GRM4: variants seen among roughly 807,000 people sequenced by gnomAD.
GRM4 encodes glutamate metabotropic receptor 4.
A neutral mutation model predicts 81.7 loss-of-function variants in GRM4; 28 were observed. The ratio of observed to expected loss-of-function variants is 0.34; its 90% CI spans 0.25 to 0.47. GRM4 has a LOEUF of 0.47. Ranked by LOEUF, GRM4 falls within the 20% of genes least tolerant of loss-of-function variation. The pLI, the probability that GRM4 is intolerant of heterozygous loss-of-function variation, is 1.00. For missense variants in GRM4, 948 were observed against 1,290.0 expected (o/e 0.73, Z 4.06); for synonymous variants, 488 against 528.8 (o/e 0.92, Z 1.06).
At chr6:34,096,539 C>G (rs57328363) in intron 2 of GRM4, among the ~76,000 whole-genome samples, 1 of 152,262 alleles carries the variant, frequency 6.6e-6, no homozygotes, top group Non-Finnish European at 1.5e-5. Context: ...GGCAAGGCCA[C>G]GTGGAGAGAT....
Position 34,035,641 on chromosome 6 carries a change from C to T in GRM4, c.2442+27G>A, listed in dbSNP as rs1480107996. On this transcript the variant is annotated intron_variant, in intron 9 of 10. Coordinates refer to ENST00000538487, the MANE Select transcript of GRM4 (RefSeq NM_000841.4). The surrounding 1 kb of genome is among the most constrained non-coding windows in gnomAD (Gnocchi z 6.6). ...TTGCTCACTGCCCTCACCTACCCAC[C>T]GTCCACCCCCGGCCCCCACCACTCA... 1.1e-5 allele frequency: 15 copies of T among 1,377,958 alleles called. No individual in the cohort carries two copies. Among genetic ancestry groups the T allele is most frequent in the South Asian group, 1.3e-5 (1 of 75,632 alleles). 85.4% of individuals were successfully genotyped at this position (1,377,958 alleles called of 1,614,324 possible).
Position 34,059,471 on chromosome 6 carries a change from A to C in GRM4, c.873-343T>G. The C allele has an allele frequency of 1.5e-5, 5 of 323,766 alleles. No homozygotes were observed. The highest frequency in any genetic ancestry group is 6.9e-5 in the East Asian group (1 of 14,488). The allele number at this position is 323,766 out of a possible 1,614,324, so 20.1% of individuals were successfully genotyped here. A position where few individuals can be genotyped will look rare whatever the true frequency, so the allele number is the denominator to read the frequency against. ...CACGTCTGACTCAGGCCCCACAACC[A>C]CCTCTGCCCAGCCCCGGTCCCCTGA... On this transcript the variant is annotated intron_variant, in intron 4 of 10. Transcript: ENST00000538487. This position sits in a 1 kb window ranked among gnomAD's most constrained non-coding sequence, Gnocchi z 5.7.
Position 34,036,500 on chromosome 6 carries a change from G to T in GRM4, c.1610C>A (p.Pro537His). The T allele has an allele frequency of 6.2e-7, 1 of 1,612,908 alleles. No individual in the cohort carries two copies. Among genetic ancestry groups the T allele is most frequent in the Non-Finnish European group, 8.5e-7 (1 of 1,179,548 alleles). ...GCAAGGCTCGCAGTGCCAGCAGCAA[G>T]GCATGCCCTTCACTGTCTTCTTCCG... is the stretch of plus-strand genomic sequence containing the variant. ...GERKKTVKGMPCCWHCEPCTG... is the reference protein window; with the variant it reads ...GERKKTVKGMHCCWHCEPCTG... The change falls in exon 9 of 11, where the codon CCT becomes CAT. Residue 537 changes from proline to histidine, a missense_variant. Physicochemically the swap from Pro to His is moderately conservative, Grantham distance 77. Coordinates refer to ENST00000538487, the MANE Select transcript of GRM4 (RefSeq NM_000841.4). This position sits in a 1 kb window ranked among gnomAD's most constrained non-coding sequence, Gnocchi z 9.0.
At chr6:34,031,982 AACAC>A (rs143044272) in intron 9 of GRM4, among the ~76,000 whole-genome samples, 5 of 147,176 alleles carry the variant, frequency 3.4e-5, no homozygotes, top group East Asian at 4.0e-4. Flanking sequence ...CACACACACA[AACAC>A]ACACACACAC....
rs1416226611 is a variant in GRM4 at position 34,061,975 on chromosome 6, C to G, written c.790G>C (p.Glu264Gln). ...AGGCGGCGGATGATCTTGTCGAACT[C>G]GCCTGCCTTGGGCTCCCGTGGTATC... The part of the protein sequence containing the change: ...VKIPREPKAG[E>Q]FDKIIRRLLE... The change falls in exon 4 of 11, where the codon GAG (glutamate) becomes CAG (glutamine). Residue 264 changes from glutamate to glutamine, a missense_variant. Physicochemically the swap from Glu to Gln is conservative, Grantham distance 29 (BLOSUM62 2). Transcript: ENST00000538487. 4 of 1,613,980 alleles carry G rather than the reference C, an allele frequency of 2.5e-6. No individual in the cohort carries two copies. In the South Asian group the frequency reaches 4.4e-5, roughly 18 times the overall value.
intron 1 of GRM4, among the ~76,000 whole-genome samples, chr6:34,140,026 T>C (rs1335871950): frequency 1.3e-5 from 2 of 151,198 alleles, no homozygotes; most frequent in African/African-American, 4.9e-5. Flanking sequence ...CCTGAACATA[T>C]AGATGGCTGG....
In GRM4 at chr6:34,061,893, C is replaced by CTG; in HGVS notation, c.870_871dup (p.Arg291ThrfsTer85). ...CCACCCTGCTGCCACCTGCCCTCACCTGATGTCATCCTCGTTGGCAAAGAT... is the reference window on the plus strand; with the variant it reads ...CCACCCTGCTGCCACCTGCCCTCACCTGTGATGTCATCCTCGTTGGCAAAGAT... On this transcript the variant is annotated frameshift_variant and splice_region_variant, in exon 4 of 11. Coordinates refer to ENST00000538487, the MANE Select transcript of GRM4 (RefSeq NM_000841.4). LOFTEE classifies it high-confidence loss of function. 1 of 1,611,164 alleles carries CTG rather than the reference C, an allele frequency of 6.2e-7. No individual in the cohort carries two copies. The highest frequency in any genetic ancestry group is 8.5e-7 in the Non-Finnish European group (1 of 1,178,022).
At chr6:34,154,949 A>T in intron 1 of GRM4, 1 of 709,880 alleles carries the variant, frequency 1.4e-6, no homozygotes, top group Non-Finnish European at 2.1e-6. Flanking sequence ...GAACGCCCTC[A>T]TTGCACCCAG....
chr6:34,056,719 CCTT>C (rs1205683033), intron 5 of GRM4, 35 bp from the exon 6 acceptor site: 12 of 1,599,722 alleles, frequency 7.5e-6, no homozygotes, highest in Non-Finnish European at 9.4e-6. Context: ...GCCTCACTGG[CCTT>C]CTTCCCCACC....
chr6:34,149,003 CAG>C (rs1770995322), upstream of GRM4, among the ~76,000 whole-genome samples: 1 of 152,116 alleles, frequency 6.6e-6, no homozygotes, highest in African/African-American at 2.4e-5. Context: ...AATAATAATA[CAG>C]AGTCCTGAGC....
At chr6:34,039,150 AG>A (rs1764871658) in intron 8 of GRM4, among the ~76,000 whole-genome samples, 1 of 152,162 alleles carries the variant, frequency 6.6e-6, no homozygotes, top group South Asian at 2.1e-4. Flanking sequence ...ATTTAGGAAC[AG>A]GCTGTTCCTG....
rs566640782 is a variant in GRM4, at chr6:34,040,630, G to A, written c.1287C>T (p.Pro429=). ...TGCGCGGGCAGAGCCCCACGCGGCC[G>A]GGACACAGGTCACGGTGCATGGCGT... The part of the protein sequence containing the change: ...ALHAMHRDLC[P]GRVGLCPRMD... The change falls in exon 7 of 11, where the codon CCC becomes CCT. Residue 429 remains proline (P), a synonymous_variant. Coordinates refer to ENST00000538487, the MANE Select transcript of GRM4 (RefSeq NM_000841.4). 1.2e-5 allele frequency: 19 copies of A among 1,614,134 alleles called. No individual in the cohort carries two copies. The African/African-American group carries it at 1.3e-4, about 11-fold the overall frequency.
In GRM4 at chr6:34,070,583, T is replaced by C. The variant is rs1163442094; in HGVS notation, c.737-8555A>G. On this transcript the variant is annotated intron_variant, in intron 3 of 10. Transcript: ENST00000538487. The surrounding 1 kb of genome is among the most constrained non-coding windows in gnomAD (Gnocchi z 4.6). ...ACACCTCTGGGGAGCGGGTAAGGCCTAGTGGGGTGGGGCTGCTGAGGCAGG... is the reference window on the plus strand; with the variant it reads ...ACACCTCTGGGGAGCGGGTAAGGCCCAGTGGGGTGGGGCTGCTGAGGCAGG... Among the ~76,000 whole-genome samples, 1 of 151,806 alleles carries C rather than the reference T, an allele frequency of 6.6e-6. No homozygotes were observed. Among genetic ancestry groups the C allele is most frequent in the African/African-American group, 2.4e-5 (1 of 41,276 alleles).
chr6:34,092,172 A>G lies in GRM4; in HGVS notation c.520-73T>C. On this transcript the variant is annotated intron_variant, in intron 2 of 10. Coordinates refer to ENST00000538487, the MANE Select transcript of GRM4 (RefSeq NM_000841.4). The surrounding 1 kb of genome is among the most constrained non-coding windows in gnomAD (Gnocchi z 6.8). Reference sequence around the variant, plus strand: ...TGCCTAGCCAGCCCCATTCCCCTACACACCAACCTCCCTTTGGTCCCCACA... The same window carrying G: ...TGCCTAGCCAGCCCCATTCCCCTACGCACCAACCTCCCTTTGGTCCCCACA... The G allele has an allele frequency of 1.0e-6, 1 of 990,732 alleles. No homozygotes were observed. The highest frequency in any genetic ancestry group is 1.5e-6 in the Non-Finnish European group (1 of 646,140). 61.4% of individuals were successfully genotyped at this position (990,732 alleles called of 1,614,324 possible).
At position 34,114,275 on chromosome 6, in the gene GRM4, T is replaced by C. The variant is rs1769498153; in HGVS notation, c.519+18703A>G. On this transcript the variant is annotated intron_variant, in intron 2 of 10. Coordinates refer to ENST00000538487, the MANE Select transcript of GRM4 (RefSeq NM_000841.4). This position sits in a 1 kb window ranked among gnomAD's most constrained non-coding sequence, Gnocchi z 4.3. ...AGGACGGTATGCATTTGGCTCACTC[T>C]GCTGCATTCTCAGCCCAACCCAACA... Among the ~76,000 whole-genome samples, 1 of 152,226 alleles carries C rather than the reference T, an allele frequency of 6.6e-6. No homozygotes were observed. The highest frequency in any genetic ancestry group is 2.4e-5 in the African/African-American group (1 of 41,452).
chr6:34,031,402 G>T (rs1171964361), intron 9 of GRM4, among the ~76,000 whole-genome samples: 1 of 152,220 alleles, frequency 6.6e-6, no homozygotes, highest in Non-Finnish European at 1.5e-5. Flanking sequence ...GAGGACACCT[G>T]GGGTGAGGAT....
chr6:34,136,578 A>ACG lies in GRM4; in HGVS notation c.-363-2720_-363-2719insCG, dbSNP rs1467192241. Among the ~76,000 whole-genome samples, 10 of 151,054 alleles carry ACG rather than the reference A, an allele frequency of 6.6e-5. No homozygotes were observed. The highest frequency in any genetic ancestry group is 5.9e-4 in the Admixed American group (9 of 15,148). On this transcript the variant is annotated intron_variant, in intron 1 of 10. Transcript: ENST00000538487. This position sits in a 1 kb window ranked among gnomAD's most constrained non-coding sequence, Gnocchi z 4.1. The stretch of plus-strand genomic sequence containing the variant: ...CGCGCGTGCGGACACACACACACAC[A>ACG]CACACACACACACACACACACACAC...
In GRM4 at chr6:34,130,536, C is replaced by T. The variant is rs1770193835; in HGVS notation, c.519+2442G>A. Among the ~76,000 whole-genome samples, 1 of 152,262 alleles carries T rather than the reference C, an allele frequency of 6.6e-6. No homozygotes were observed. Among genetic ancestry groups the T allele is most frequent in the Admixed American group, 6.5e-5 (1 of 15,290 alleles). ...GCTCTTCACCCCAGGCCCCTCACCC[C>T]ACCCTGGCCCTTCCCCATGCTGGGA... On this transcript the variant is annotated intron_variant, in intron 2 of 10. Coordinates refer to ENST00000538487, the MANE Select transcript of GRM4 (RefSeq NM_000841.4). The surrounding 1 kb of genome is among the most constrained non-coding windows in gnomAD (Gnocchi z 4.1).
Position 34,111,120 on chromosome 6 carries a change from C to T in GRM4, c.520-19021G>A, listed in dbSNP as rs1339309456. 5.1e-5 allele frequency: 3 copies of T among 58,848 alleles called. No individual in the cohort carries two copies. Among genetic ancestry groups the T allele is most frequent in the Non-Finnish European group, 1.4e-4 (3 of 21,606 alleles). 3.6% of individuals were successfully genotyped at this position (58,848 alleles called of 1,614,324 possible). A position where few individuals can be genotyped will look rare whatever the true frequency, so the allele number is the denominator to read the frequency against. ...GAGACACACACAGGCCACATACACA[C>T]ACACACACACACACACACACACACA... On this transcript the variant is annotated intron_variant, in intron 2 of 10. Coordinates refer to ENST00000538487, the MANE Select transcript of GRM4 (RefSeq NM_000841.4). The surrounding 1 kb of genome is among the most constrained non-coding windows in gnomAD (Gnocchi z 5.1).
Sources: gnomAD v4.1 joint callset for allele counts (sites outside exome capture counted in the v4.1 genomes callset) on GRCh38, gnomAD v4.1.1 for gene constraint, Gnocchi (gnomAD v3.1) non-coding constraint, MANE v1.5 for transcripts, NCBI Gene and HGNC (gene_info 2026-07-23, HGNC 2026-07-21) for gene names.